PDE4B: variants seen among roughly 807,000 people sequenced by gnomAD.
The protein encoded by PDE4B is 3',5'-cyclic-AMP phosphodiesterase 4B.
Under a neutral mutation model 82.2 loss-of-function variants are expected in PDE4B, and 20 were observed. That is an observed-to-expected ratio of 0.24 (90% CI 0.17 to 0.35). The LOEUF is 0.35. Ranked by LOEUF, PDE4B falls within the 10% of genes least tolerant of loss-of-function variation. The pLI is 1.00. For missense variants in PDE4B, 655 were observed against 907.2 expected (o/e 0.72, Z 3.57); for synonymous variants, 320 against 318.9 (o/e 1.00, Z -0.04).
chr1:66,152,257 C>T (rs1018593567), intron 3 of PDE4B: 1 of 158,500 alleles, frequency 6.3e-6, no homozygotes, highest in Non-Finnish European at 1.4e-5. Context: ...CAATGACAAG[C>T]TTTGTTCTCT....
intron 3 of PDE4B, among the ~76,000 whole-genome samples, chr1:66,127,813 T>C (rs540857022): frequency 3.3e-4 from 50 of 152,166 alleles, no homozygotes; most frequent in Non-Finnish European, 5.0e-4. Flanking sequence ...TAGTGTTGAC[T>C]TTTTCATTAT....
intron 3 of PDE4B, among the ~76,000 whole-genome samples, chr1:66,170,447 G>T (rs1183945509): frequency 1.3e-5 from 2 of 152,070 alleles, no homozygotes; most frequent in African/African-American, 4.8e-5. Context: ...TAAATTATCT[G>T]TTTCCTCAGG....
intron 3 of PDE4B, among the ~76,000 whole-genome samples, chr1:66,026,963 C>T (rs1653472274): frequency 6.6e-6 from 1 of 152,186 alleles, no homozygotes; most frequent in Non-Finnish European, 1.5e-5. Context: ...TTAACAGCTG[C>T]AAACTAAGAT....
At chr1:66,309,439 A>G (rs1350012411) in intron 7 of PDE4B, among the ~76,000 whole-genome samples, 1 of 152,234 alleles carries the variant, frequency 6.6e-6, no homozygotes, top group Non-Finnish European at 1.5e-5. Context: ...TGTGAATCAG[A>G]TGACGTGGTA....
At chr1:66,357,161 A>C (rs1294204676) in intron 9 of PDE4B, among the ~76,000 whole-genome samples, 7 of 152,186 alleles carry the variant, frequency 4.6e-5, no homozygotes, top group Non-Finnish European at 8.8e-5. Flanking sequence ...TGCATTTTAA[A>C]ATACGAGGGC....
intron 3 of PDE4B, among the ~76,000 whole-genome samples, chr1:66,010,559 A>C (rs1463944855): frequency 6.6e-6 from 1 of 151,262 alleles, no homozygotes; most frequent in Non-Finnish European, 1.5e-5. Context: ...ATGGGCATTA[A>C]GTAGATATTA....
intron 3 of PDE4B, among the ~76,000 whole-genome samples, chr1:66,138,399 A>G (rs1219663279): frequency 6.6e-6 from 1 of 152,094 alleles, no homozygotes; most frequent in Non-Finnish European, 1.5e-5. Flanking sequence ...GGCACCTGTA[A>G]TCCCAGCTAC....
rs975265514 is a variant in PDE4B, at chr1:65,793,084, C to G, written c.-235C>G. 1 of 151,982 alleles carries G rather than the reference C, an allele frequency of 6.6e-6. No homozygotes were observed. The highest frequency in any genetic ancestry group is 1.5e-5 in the Non-Finnish European group (1 of 68,020). The allele number at this position is 151,982 out of a possible 1,614,324, so 9.4% of individuals were successfully genotyped here. ...GGCCGGGCTGCACGCGAGCGCCCTC[C>G]GGGCAGACTTTCGTCCCCCACCCCC... On this transcript the variant is annotated 5_prime_UTR_variant, in exon 1 of 17. Transcript: ENST00000341517.
chr1:65,967,122 T>G (rs1372434987), intron 3 of PDE4B, among the ~76,000 whole-genome samples: 1 of 152,056 alleles, frequency 6.6e-6, no homozygotes, highest in Non-Finnish European at 1.5e-5. Context: ...GGGAGAAAAT[T>G]TTTGCAATCT....
chr1:66,332,192 A>G, intron 7 of PDE4B: 1 of 1,412,536 alleles, frequency 7.1e-7, no homozygotes, highest in South Asian at 1.6e-5. Context: ...TAGTTTTAGG[A>G]CACATTTATG....
intron 3 of PDE4B, among the ~76,000 whole-genome samples, chr1:66,127,732 A>G (rs915415802): frequency 9.2e-5 from 14 of 152,280 alleles, no homozygotes; most frequent in Admixed American, 2.6e-4. Context: ...CAAAGAAAAC[A>G]ATTTTCTTTT....
intron 7 of PDE4B, among the ~76,000 whole-genome samples, chr1:66,306,953 T>C (rs916727451): frequency 5.9e-5 from 9 of 152,168 alleles, no homozygotes; most frequent in Admixed American, 5.2e-4. Context: ...TTGGGAGGCA[T>C]CTAAATGAAA....
At chr1:66,024,110 G>T (rs1232174245) in intron 3 of PDE4B, among the ~76,000 whole-genome samples, 1 of 152,032 alleles carries the variant, frequency 6.6e-6, no homozygotes, top group Non-Finnish European at 1.5e-5. Flanking sequence ...TCCATTCTGA[G>T]AGACTGTCCA....
chr1:65,864,800 G>T (rs370064341), intron 1 of PDE4B, among the ~76,000 whole-genome samples: 1 of 152,140 alleles, frequency 6.6e-6, no homozygotes, highest in Non-Finnish European at 1.5e-5. Flanking sequence ...AGTGTCTGTC[G>T]ACCCCTGTTG....
chr1:66,114,169 G>C (rs1645544906), intron 3 of PDE4B, among the ~76,000 whole-genome samples: 1 of 152,162 alleles, frequency 6.6e-6, no homozygotes, highest in Non-Finnish European at 1.5e-5. Flanking sequence ...AGGAGGCGCT[G>C]TCTATGAACC....
intron 3 of PDE4B, among the ~76,000 whole-genome samples, chr1:65,971,785 A>G (rs1650154007): frequency 2.0e-5 from 3 of 152,196 alleles, no homozygotes. Flanking sequence ...GCCAAAATTG[A>G]CTAACTCCAA....
At chr1:65,999,628 G>A (rs932429152) in intron 3 of PDE4B, among the ~76,000 whole-genome samples, 1 of 151,910 alleles carries the variant, frequency 6.6e-6, no homozygotes. Flanking sequence ...TGTCTTTTTG[G>A]TACTTATTAT....
intron 7 of PDE4B, among the ~76,000 whole-genome samples, chr1:66,326,654 A>G (rs988297747): frequency 6.6e-6 from 1 of 152,222 alleles, no homozygotes; most frequent in African/African-American, 2.4e-5. Context: ...CATAAAGGTT[A>G]TGTACAGCTC....
chr1:65,840,402 A>C (rs1207481729), intron 1 of PDE4B, among the ~76,000 whole-genome samples: 1 of 152,230 alleles, frequency 6.6e-6, no homozygotes, highest in Non-Finnish European at 1.5e-5. Context: ...GGATTTAAAA[A>C]GAATTATTTT....
Sources: allele counts gnomAD v4.1 joint callset (sites outside exome capture counted in the v4.1 genomes callset), GRCh38; gene constraint gnomAD v4.1.1; transcripts MANE v1.5; gene names NCBI Gene and HGNC (gene_info 2026-07-23, HGNC 2026-07-21).